The following EGF variants were observed in gnomAD, a reference collection of about 807,000 sequenced individuals.
The protein encoded by EGF is pro-epidermal growth factor.
Under a neutral mutation model 143.8 loss-of-function variants are expected in EGF, and 95 were observed. The observed-to-expected ratio is 0.66, with a 90% CI of 0.56 to 0.78. EGF has a LOEUF of 0.78. Among genes scored for constraint, EGF ranks in the 30% least tolerant of loss-of-function variants. The pLI, the probability that EGF is intolerant of heterozygous loss-of-function variation, is 0.00. For missense variants in EGF, 1,320 were observed against 1,470.9 expected (o/e 0.90, Z 1.68); for synonymous variants, 510 against 510.5 (o/e 1.00, Z 0.01).
In EGF at chr4:110,011,469, A is replaced by G; in HGVS notation, c.*14A>G. ...CTGACTCAGTGAAAACTGGAATTAAAAGGAAAGTCAAGAAGAATGAACTAT... is the reference window on the plus strand; with the variant it reads ...CTGACTCAGTGAAAACTGGAATTAAGAGGAAAGTCAAGAAGAATGAACTAT... On this transcript the variant is annotated 3_prime_UTR_variant, in exon 24 of 24. Transcript: ENST00000265171. 1.2e-6 allele frequency: 2 copies of G among 1,614,162 alleles called. No homozygotes were observed. Among genetic ancestry groups the G allele is most frequent in the Non-Finnish European group, 1.7e-6 (2 of 1,179,992 alleles).
intron 1 of EGF, among the ~76,000 whole-genome samples, chr4:109,928,341 G>A (rs1739097032): frequency 6.6e-6 from 1 of 152,132 alleles, no homozygotes; most frequent in African/African-American, 2.4e-5. Context: ...TTAGGTTCCA[G>A]GTCACAGAAA....
At chr4:109,961,835 A>C (rs200103799) in intron 7 of EGF, 28 bp from the exon 8 acceptor site, 1 of 1,612,612 alleles carries the variant, frequency 6.2e-7, no homozygotes, top group East Asian at 2.2e-5. Flanking sequence ...ATTTAACACT[A>C]ATCTTGACCT....
At chr4:109,944,186 C>A in intron 4 of EGF, 117 bp downstream of exon 4, 1 of 1,213,990 alleles carries the variant, frequency 8.2e-7, no homozygotes, top group Non-Finnish European at 1.2e-6. Context: ...ATTTTGAATC[C>A]AAAAGACTTG....
At chr4:110,003,819 A>G (rs1225126131) in intron 21 of EGF, among the ~76,000 whole-genome samples, 1 of 152,006 alleles carries the variant, frequency 6.6e-6, no homozygotes, top group Non-Finnish European at 1.5e-5. Flanking sequence ...CTTAGCCACT[A>G]TGAGATTTTC....
Position 109,913,376 on chromosome 4 carries a change from A to C in EGF, c.41A>C (p.Lys14Thr), listed in dbSNP as rs749456740. The C allele has an allele frequency of 1.2e-6, 2 of 1,613,960 alleles. No individual in the cohort carries two copies. The highest frequency in any genetic ancestry group is 3.3e-5 in the Admixed American group (2 of 59,990). Residue 14 changes from lysine (K) to threonine (T), a missense_variant, in exon 1 of 24, where the codon AAA (lysine) becomes ACA (threonine). By Grantham distance (78) the Lys-to-Thr change is moderately conservative (BLOSUM62 -1). Around this residue, in one of 5 missense-constraint regions of EGF, gnomAD observed 79 missense variants for 71.2 expected, o/e 1.11. Transcript: ENST00000265171. ...TLIILLPVVS[K>T]FSFVSLSAPQ... ...ATCATTCTGTTGCCAGTAGTTTCAA[A>C]ATTTAGTTTTGTTAGTCTCTCAGCA... is the stretch of plus-strand genomic sequence containing the variant.
chr4:109,999,556 T>C, intron 20 of EGF, 123 bp from the exon 21 acceptor site: 2 of 1,253,598 alleles, frequency 1.6e-6, no homozygotes, highest in Non-Finnish European at 2.3e-6. Context: ...GGATTTTCTA[T>C]ATGTTTCTAA....
chr4:109,987,983 G>T, intron 17 of EGF, 123 bp downstream of exon 17: 1 of 791,246 alleles, frequency 1.3e-6, no homozygotes, highest in Non-Finnish European at 2.2e-6. Flanking sequence ...TAAGTTATTT[G>T]ATGTTAGCTA....
chr4:109,928,378 A>G (rs1488005729), intron 1 of EGF, among the ~76,000 whole-genome samples: 4 of 152,326 alleles, frequency 2.6e-5, no homozygotes, highest in African/African-American at 4.8e-5. Flanking sequence ...CTGATTGGCA[A>G]TTAATTAAAA....
At chr4:109,980,208 C>CA in intron 14 of EGF, 69 bp downstream of exon 14, 1 of 1,486,488 alleles carries the variant, frequency 6.7e-7, no homozygotes, top group Non-Finnish European at 9.0e-7. Flanking sequence ...TGTTTGATGT[C>CA]ATGCAGTTGG....
intron 5 of EGF, among the ~76,000 whole-genome samples, chr4:109,948,070 T>C (rs888654503): frequency 2.0e-5 from 3 of 152,218 alleles, no homozygotes; most frequent in Admixed American, 1.3e-4. Context: ...TCAAATAGGA[T>C]AACTGAAAGC....
intron 13 of EGF, among the ~76,000 whole-genome samples, chr4:109,979,062 C>T (rs931022037): frequency 6.6e-6 from 1 of 152,174 alleles, no homozygotes; most frequent in Non-Finnish European, 1.5e-5. Context: ...CATTCCCTTG[C>T]GTATTCAATA....
intron 2 of EGF, among the ~76,000 whole-genome samples, chr4:109,942,740 A>T (rs1011084980): frequency 6.6e-6 from 1 of 152,216 alleles, no homozygotes; most frequent in East Asian, 1.9e-4. Flanking sequence ...TGACGGCATG[A>T]AGGACTATAG....
At chr4:109,988,538 A>G (rs764874872) in intron 17 of EGF, 46 bp from the exon 18 acceptor site, 28 of 1,613,158 alleles carry the variant, frequency 1.7e-5, no homozygotes, top group African/African-American at 2.7e-5. Context: ...TCCCATTTAT[A>G]TCAGGATTGC....
At chr4:109,962,304 A>G (rs1367694081) in intron 8 of EGF, among the ~76,000 whole-genome samples, 2 of 152,302 alleles carry the variant, frequency 1.3e-5, no homozygotes, top group African/African-American at 2.4e-5. Flanking sequence ...TGTTTCTTCA[A>G]CTGCAGAGAT....
intron 1 of EGF, among the ~76,000 whole-genome samples, chr4:109,940,399 A>G (rs1445090570): frequency 6.6e-6 from 1 of 152,212 alleles, no homozygotes; most frequent in Non-Finnish European, 1.5e-5. Context: ...CAGGGTCAAA[A>G]TATTTCAGAA....
chr4:109,937,191 A>G (rs1361791085), intron 1 of EGF, among the ~76,000 whole-genome samples: 25 of 152,056 alleles, frequency 1.6e-4, no homozygotes, highest in Admixed American at 1.6e-3. Flanking sequence ...GTCTCTAAGA[A>G]CTTGCTTTAT....
intron 20 of EGF, among the ~76,000 whole-genome samples, chr4:109,996,237 G>GT (rs762918624): frequency 2.0e-5 from 3 of 152,184 alleles, no homozygotes; most frequent in Non-Finnish European, 4.4e-5. Context: ...ATTTGGATCT[G>GT]ATAACATCCA....
At chr4:109,987,954 T>C (rs766062589) in intron 17 of EGF, 94 bp downstream of exon 17, 16 of 989,716 alleles carry the variant, frequency 1.6e-5, no homozygotes, top group Middle Eastern at 2.1e-4. Context: ...GAAGGATTTA[T>C]GTAATCAGCA....
intron 22 of EGF, 59 bp from the exon 23 acceptor site, chr4:110,008,093 G>A (rs1433914361): frequency 1.8e-5 from 27 of 1,466,336 alleles, no homozygotes; most frequent in South Asian, 1.7e-4. Flanking sequence ...TTCAATGTAC[G>A]TTGAGATAAT....
Sources: gnomAD v4.1 joint callset for allele counts (sites outside exome capture counted in the v4.1 genomes callset) on GRCh38, gnomAD v4.1.1 for gene constraint, gnomAD v4.1.1 regional missense constraint, MANE v1.5 for transcripts, NCBI Gene and HGNC (gene_info 2026-07-23, HGNC 2026-07-21) for gene names.